The following ALDH3B1 variants were observed in gnomAD, a reference collection of about 807,000 sequenced individuals.
ALDH3B1 encodes the protein aldehyde dehydrogenase 3 family member B1.
In ALDH3B1, 37 loss-of-function variants were observed where a neutral mutation model predicts 46.2. That is an observed-to-expected ratio of 0.80 (90% CI 0.62 to 1.05). The LOEUF is 1.05. ALDH3B1 is among the 50% of genes least tolerant of loss of function. The pLI is 0.00. For missense variants in ALDH3B1, 603 were observed against 665.5 expected (o/e 0.91, Z 1.03); for synonymous variants, 283 against 281.0 (o/e 1.01, Z -0.07).
intron 2 of ALDH3B1, chr11:68,017,332 TG>T (rs1331770729): frequency 6.6e-6 from 1 of 152,342 alleles, no homozygotes. Context: ...TCCTCCCTCT[TG>T]GGGCTCAGCT....
intron 2 of ALDH3B1, chr11:68,015,909 T>C: frequency 6.7e-6 from 2 of 299,934 alleles, no homozygotes; most frequent in Non-Finnish European, 1.3e-5. Flanking sequence ...CTACTAACAA[T>C]ACAAAAATTA....
In ALDH3B1 at chr11:68,027,850, G is replaced by T; in HGVS notation, c.1318G>T (p.Ala440Ser). 2 of 1,552,036 alleles carry T rather than the reference G, an allele frequency of 1.3e-6. No homozygotes were observed. The highest frequency in any genetic ancestry group is 4.9e-5 in the East Asian group (2 of 41,230). The change falls in exon 10 of 10, where the codon GCC (alanine) becomes TCC (serine). Residue 440 changes from alanine (A) to serine (S), a missense_variant. Physicochemically the swap from Ala to Ser is moderately conservative, Grantham distance 99 (BLOSUM62 1). Coordinates refer to ENST00000342456, the MANE Select transcript of ALDH3B1 (RefSeq NM_000694.4). ...CAGCCCGGGGATGGAGAAGCTCAAC[G>T]CCCTCCGCTACCCGCCGCAATCGCC... ...LRSPGMEKLN[A>S]LRYPPQSPRR...
At chr11:68,022,883 C>CT (rs1857539040) in intron 8 of ALDH3B1, 122 bp downstream of exon 8, 2 of 1,384,050 alleles carry the variant, frequency 1.4e-6, no homozygotes, top group African/African-American at 2.8e-5. Flanking sequence ...CCTCTTGGCT[C>CT]TGTCTCTGCC....
chr11:68,027,909 G>A lies in ALDH3B1; in HGVS notation c.1377G>A (p.Glu459=). 3.2e-6 allele frequency: 5 copies of A among 1,559,242 alleles called. No individual in the cohort carries two copies. The highest frequency in any genetic ancestry group is 2.6e-6 in the Non-Finnish European group (3 of 1,156,332). The part of the protein sequence containing the change: ...RRLRMLLVAM[E]AQGCSCTLL ...TGAGGATGCTGCTGGTGGCCATGGA[G>A]GCCCAAGGCTGCAGCTGCACACTGC... The change falls in exon 10 of 10, where the codon GAG becomes GAA. Residue 459 remains glutamate, a synonymous_variant. Coordinates refer to ENST00000342456, the MANE Select transcript of ALDH3B1 (RefSeq NM_000694.4).
chr11:68,021,074 G>C (rs574042213), intron 6 of ALDH3B1, among the ~76,000 whole-genome samples: 4 of 152,218 alleles, frequency 2.6e-5, no homozygotes, highest in East Asian at 1.9e-4. Flanking sequence ...CCTGAATGCC[G>C]TAGACAGAGC....
chr11:68,028,170 G>C lies in ALDH3B1; in HGVS notation c.*231G>C, dbSNP rs1234306219. The stretch of plus-strand genomic sequence containing the variant: ...CGAGGTGGGAGGCATGGGAAACAGT[G>C]CAGTGACTCACCCCCTGCCCCCGCA... On this transcript the variant is annotated 3_prime_UTR_variant, in exon 10 of 10. Coordinates refer to ENST00000342456, the MANE Select transcript of ALDH3B1 (RefSeq NM_000694.4). 6 of 732,230 alleles carry C rather than the reference G, an allele frequency of 8.2e-6. No individual in the cohort carries two copies. In the Admixed American group the frequency reaches 9.2e-5, roughly 11 times the overall value. 45.4% of individuals were successfully genotyped at this position (732,230 alleles called of 1,614,324 possible).
intron 9 of ALDH3B1, among the ~76,000 whole-genome samples, chr11:68,027,444 C>T (rs758873352): frequency 3.3e-5 from 5 of 152,208 alleles, no homozygotes. Context: ...GAGACTGAGG[C>T]ACAGTCCAAG....
chr11:68,027,675 C>A, intron 9 of ALDH3B1, 74 bp from the exon 10 acceptor site: 1 of 1,445,706 alleles, frequency 6.9e-7, no homozygotes, highest in East Asian at 2.5e-5. Context: ...GGAGAAGTAG[C>A]CCGCCTAGGC....
At chr11:68,022,302 C>T in intron 7 of ALDH3B1, among the ~76,000 whole-genome samples, 1 of 152,218 alleles carries the variant, frequency 6.6e-6, no homozygotes, top group East Asian at 1.9e-4. Context: ...GACGCTGTTG[C>T]CTCATGAACT....
At chr11:68,014,933 T>C (rs982433812) in intron 1 of ALDH3B1, 3 of 217,400 alleles carry the variant, frequency 1.4e-5, no homozygotes, top group Non-Finnish European at 2.7e-5. Context: ...GGGGTTAATT[T>C]CTGTGCGGCA....
chr11:68,016,605 G>C (rs1857356067), intron 2 of ALDH3B1: 1 of 152,448 alleles, frequency 6.6e-6, no homozygotes, highest in Admixed American at 6.5e-5. Context: ...GCCTGCCCCT[G>C]CCTCAGGACA....
chr11:68,018,437 T>G, intron 2 of ALDH3B1, 90 bp from the exon 3 acceptor site: 1 of 936,848 alleles, frequency 1.1e-6, no homozygotes, highest in Non-Finnish European at 1.6e-6. Flanking sequence ...AATGAATGAG[T>G]TGTGGAAGCA....
intron 6 of ALDH3B1, 145 bp downstream of exon 6, chr11:68,019,941 C>T: frequency 1.2e-6 from 1 of 866,170 alleles, no homozygotes. Context: ...GTCCTGGACC[C>T]CCAGGACCCC....
At chr11:68,009,106 C>T (rs928167263), upstream of ALDH3B1, among the ~76,000 whole-genome samples, 8 of 152,202 alleles carry the variant, frequency 5.3e-5, no homozygotes, top group African/African-American at 1.9e-4. Flanking sequence ...ACATCCGAAA[C>T]GGGTGCAGCC....
intron 9 of ALDH3B1, among the ~76,000 whole-genome samples, chr11:68,026,517 C>T (rs2134402392): frequency 6.6e-6 from 1 of 152,174 alleles, no homozygotes; most frequent in South Asian, 2.1e-4. Flanking sequence ...TAACCCCATC[C>T]CCCCTCCAGC....
chr11:68,027,846 C>T lies in ALDH3B1; in HGVS notation c.1314C>T (p.Leu438=). The part of the protein sequence containing the change: ...CLLRSPGMEK[L]NALRYPPQSP... ...TGCGCAGCCCGGGGATGGAGAAGCT[C>T]AACGCCCTCCGCTACCCGCCGCAAT... Residue 438 remains leucine, a synonymous_variant, in exon 10 of 10, where the codon CTC becomes CTT. Transcript: ENST00000342456. The T allele has an allele frequency of 1.3e-6, 2 of 1,552,976 alleles. No individual in the cohort carries two copies. Among genetic ancestry groups the T allele is most frequent in the Non-Finnish European group, 1.7e-6 (2 of 1,149,178 alleles).
intron 2 of ALDH3B1, chr11:68,018,184 G>A (rs1857391942): frequency 6.3e-6 from 2 of 315,064 alleles, no homozygotes; most frequent in East Asian, 1.6e-4. Context: ...ATGTATACAT[G>A]TGCACACCTG....
At chr11:68,013,618 G>T (rs1181542099) in intron 1 of ALDH3B1, among the ~76,000 whole-genome samples, 1 of 152,236 alleles carries the variant, frequency 6.6e-6, no homozygotes, top group Non-Finnish European at 1.5e-5. Context: ...TATGCAGCGT[G>T]ATGTCATTTA....
chr11:68,022,609 G>T lies in ALDH3B1; in HGVS notation c.964G>T (p.Val322Leu). ...GGTGCCTGCAGCCCCCACGGTGCTG[G>T]TGGATGTGCAGGAGATGGAGCCTGT... The part of the protein sequence containing the change: ...SDRYIAPTVL[V>L]DVQEMEPVMQ... Residue 322 changes from valine (V) to leucine (L), a missense_variant, in exon 8 of 10, where the codon GTG becomes TTG. Transcript: ENST00000342456. The T allele has an allele frequency of 1.9e-6, 3 of 1,613,816 alleles. No homozygotes were observed. The South Asian group carries it at 3.3e-5, about 18-fold the overall frequency.
Sources: allele counts gnomAD v4.1 joint callset (sites outside exome capture counted in the v4.1 genomes callset), GRCh38; gene constraint gnomAD v4.1.1; transcripts MANE v1.5; gene names NCBI Gene and HGNC (gene_info 2026-07-23, HGNC 2026-07-21).